Variants in MYO18B observed in about 807,000 individuals in gnomAD.
The protein encoded by MYO18B is unconventional myosin-XVIIIb.
Under a neutral mutation model 273.0 loss-of-function variants are expected in MYO18B, and 204 were observed. The ratio of observed to expected loss-of-function variants is 0.75; its 90% CI spans 0.67 to 0.84. The LOEUF is 0.84. Ranked by LOEUF, MYO18B falls within the 40% of genes least tolerant of loss-of-function variation. MYO18B has a pLI of 0.00. For synonymous variants in MYO18B, 1,330 were observed against 1,305.7 expected (o/e 1.02, Z -0.40); for missense variants, 3,212 against 3,287.6 (o/e 0.98, Z 0.56).
At chr22:25,994,913 A>G (rs1436567533) in intron 40 of MYO18B, among the ~76,000 whole-genome samples, 1 of 152,242 alleles carries the variant, frequency 6.6e-6, no homozygotes, top group Non-Finnish European at 1.5e-5. Context: ...TTGCATAGCA[A>G]GAGATTGCTT....
At chr22:25,993,986 T>G (rs1932962403) in intron 40 of MYO18B, among the ~76,000 whole-genome samples, 1 of 152,234 alleles carries the variant, frequency 6.6e-6, no homozygotes, top group East Asian at 1.9e-4. Flanking sequence ...CTACTAGTAC[T>G]CTCTTTAGGA....
rs2090822961 is a variant in MYO18B, at chr22:25,864,219, A to G, written c.3886-4101A>G. 2.0e-5 allele frequency among the ~76,000 whole-genome samples: 3 copies of G among 152,184 alleles called. No individual in the cohort carries two copies. In the South Asian group the frequency reaches 6.2e-4, roughly 31 times the overall value. ...GAGAACCTGTAATCAATATTGCCACAAACTCTCACTGTTTCTACCTGAGAT... is the reference window on the plus strand; with the variant it reads ...GAGAACCTGTAATCAATATTGCCACGAACTCTCACTGTTTCTACCTGAGAT... On this transcript the variant is annotated intron_variant, in intron 21 of 43. Coordinates refer to ENST00000335473, the MANE Select transcript of MYO18B (RefSeq NM_032608.7).
rs1446249467 is a variant in MYO18B, at chr22:25,825,142, C to G, written c.2696-1267C>G. On this transcript the variant is annotated intron_variant, in intron 13 of 43. Transcript: ENST00000335473. ...TACTTAAGGATGGGTGCATCACACACAGGCACAGACAGATGCAGTCACCAC... is the reference window on the plus strand; with the variant it reads ...TACTTAAGGATGGGTGCATCACACAGAGGCACAGACAGATGCAGTCACCAC... Among the ~76,000 whole-genome samples the G allele has an allele frequency of 2.0e-5, 3 of 152,210 alleles. No homozygotes were observed. In the East Asian group the frequency reaches 5.8e-4, roughly 29 times the overall value.
Position 25,805,952 on chromosome 22 carries a change from C to T in MYO18B, c.2521+7855C>T, listed in dbSNP as rs150823161. Among the ~76,000 whole-genome samples the T allele has an allele frequency of 5.3e-5, 8 of 152,250 alleles. No homozygotes were observed. The East Asian group carries it at 1.5e-3, about 29-fold the overall frequency. The stretch of plus-strand genomic sequence containing the variant: ...CTGTATGCTCCAGGCATTCCCTGGC[C>T]ACCTTTATTTATTTTTCATGTGGGA... On this transcript the variant is annotated intron_variant, in intron 12 of 43. Transcript: ENST00000335473.
intron 27 of MYO18B, 93 bp from the exon 28 acceptor site, chr22:25,895,063 G>T: frequency 7.0e-7 from 1 of 1,438,576 alleles, no homozygotes; most frequent in Non-Finnish European, 9.4e-7. Flanking sequence ...GAAATTGCAT[G>T]CCAAGAGCCA....
chr22:25,867,314 T>C (rs1353239324), intron 21 of MYO18B, among the ~76,000 whole-genome samples: 2 of 152,192 alleles, frequency 1.3e-5, no homozygotes, highest in Non-Finnish European at 2.9e-5. Flanking sequence ...CTAGCCACCA[T>C]AATTCTTTAT....
intron 34 of MYO18B, among the ~76,000 whole-genome samples, chr22:25,923,717 C>A (rs564635923): frequency 6.6e-6 from 1 of 152,120 alleles, no homozygotes; most frequent in African/African-American, 2.4e-5. Flanking sequence ...CAGCCAGGGG[C>A]CAGGCATTTT....
At chr22:25,776,512 G>A (rs905827326) in intron 7 of MYO18B, among the ~76,000 whole-genome samples, 8 of 152,146 alleles carry the variant, frequency 5.3e-5, no homozygotes, top group South Asian at 2.1e-4. Context: ...CGGGAGATTC[G>A]CTTGAACCTG....
intron 34 of MYO18B, among the ~76,000 whole-genome samples, chr22:25,923,768 C>T (rs907980614): frequency 5.3e-5 from 8 of 152,188 alleles, no homozygotes; most frequent in African/African-American, 1.9e-4. Context: ...CATACCTGCC[C>T]ATTTTCCATC....
intron 1 of MYO18B, among the ~76,000 whole-genome samples, chr22:25,756,130 G>A (rs935632102): frequency 3.3e-5 from 5 of 152,114 alleles, no homozygotes; most frequent in African/African-American, 4.8e-5. Flanking sequence ...ATCTGACCTC[G>A]TGATCCGCCT....
At chr22:25,833,115 C>T (rs1213874478) in intron 16 of MYO18B, 118 bp downstream of exon 16, 20 of 940,174 alleles carry the variant, frequency 2.1e-5, no homozygotes, top group African/African-American at 3.3e-5. Flanking sequence ...AGAGTCACCC[C>T]GGGATCATTG....
chr22:25,992,102 G>GGAGCAGCACCCCCTGCACAGGT (rs1393595777), intron 39 of MYO18B, among the ~76,000 whole-genome samples: 2 of 152,162 alleles, frequency 1.3e-5, no homozygotes, highest in African/African-American at 4.8e-5. Flanking sequence ...AGATGCATTG[G>GGAGCAGCACCCCCTGCACAGGT]GAGCAGCACC....
chr22:25,762,141 T>C (rs1240710276), intron 2 of MYO18B, among the ~76,000 whole-genome samples: 3 of 152,018 alleles, frequency 2.0e-5, no homozygotes, highest in East Asian at 3.9e-4. Context: ...CTCTCACTTA[T>C]GAAGTGTCTT....
chr22:25,884,164 G>A (rs1461698025), intron 25 of MYO18B, among the ~76,000 whole-genome samples: 1 of 152,178 alleles, frequency 6.6e-6, no homozygotes, highest in South Asian at 2.1e-4. Flanking sequence ...CACTGACGGG[G>A]ACTGCAGATG....
chr22:25,812,888 G>A (rs150421559), intron 12 of MYO18B, among the ~76,000 whole-genome samples: 540 of 152,240 alleles, frequency 3.5e-3, no homozygotes, highest in Non-Finnish European at 5.4e-3. Flanking sequence ...CAGGGGACTC[G>A]AATCATGGTC....
chr22:25,965,149 G>T (rs73414075), intron 39 of MYO18B: 6 of 152,224 alleles, frequency 3.9e-5, no homozygotes, highest in African/African-American at 1.4e-4. Context: ...ACCACTTATG[G>T]CTCTACTTCT....
chr22:25,761,422 A>G (rs2086313425), intron 2 of MYO18B, among the ~76,000 whole-genome samples: 1 of 151,974 alleles, frequency 6.6e-6, no homozygotes, highest in Non-Finnish European at 1.5e-5. Context: ...CAGCTGTCCC[A>G]GCTGGATCCT....
chr22:25,851,488 GGCTC>G lies in MYO18B; in HGVS notation c.3795_3798del (p.Thr1267AlafsTer14). 6.4e-7 allele frequency: 1 copy of G among 1,556,888 alleles called. No homozygotes were observed. The highest frequency in any genetic ancestry group is 8.7e-7 in the Non-Finnish European group (1 of 1,149,952). Reference sequence around the variant, plus strand: ...TCCCTAGGCTATGCTGACCACATGGGGCTCACTCGCTTCCGCCGGCAATTCCAGG... The same window carrying G: ...TCCCTAGGCTATGCTGACCACATGGGACTCGCTTCCGCCGGCAATTCCAGG... On this transcript the variant is annotated frameshift_variant, in exon 21 of 44. Transcript: ENST00000335473. LOFTEE classifies it high-confidence loss of function.
Position 25,931,681 on chromosome 22 carries a change from CT to C in MYO18B, c.5517+10291del, listed in dbSNP as rs71311530. On this transcript the variant is annotated intron_variant, in intron 34 of 43. Coordinates refer to ENST00000335473, the MANE Select transcript of MYO18B (RefSeq NM_032608.7). ...TGCCTTTTCTTTTTTTTTCTTTTTT[CT>C]TTTTTTTTTTTTTTTTTTGAGACAG... is the stretch of plus-strand genomic sequence containing the variant. 6.1e-3 allele frequency among the ~76,000 whole-genome samples: 755 copies of C among 123,522 alleles called. 5 individuals carry two copies. The highest frequency in any genetic ancestry group is 0.015 in the Admixed American group (181 of 12,028). 81.0% of individuals were successfully genotyped at this position (123,522 alleles called of 152,430 possible). A position where few individuals can be genotyped will look rare whatever the true frequency, so the allele number is the denominator to read the frequency against.
Sources: allele counts gnomAD v4.1 joint callset (sites outside exome capture counted in the v4.1 genomes callset), GRCh38; gene constraint gnomAD v4.1.1; transcripts MANE v1.5; gene names NCBI Gene and HGNC (gene_info 2026-07-23, HGNC 2026-07-21).